CCDC110: variants seen among roughly 807,000 people sequenced by gnomAD.
CCDC110 encodes the protein coiled-coil domain-containing protein 110.
CCDC110 carries 70 observed loss-of-function variants against 77.1 expected under a neutral mutation model. The observed-to-expected ratio is 0.91, with a 90% CI of 0.75 to 1.11. CCDC110 has a LOEUF of 1.11. Ranked by LOEUF, CCDC110 falls within the 50% of genes least tolerant of loss-of-function variation. The pLI is 0.00. For missense variants in CCDC110, 868 were observed against 942.9 expected (o/e 0.92, Z 1.04); for synonymous variants, 295 against 312.5 (o/e 0.94, Z 0.59).
chr4:185,454,966 A>G (rs1164020853), intron 6 of CCDC110, among the ~76,000 whole-genome samples: 1 of 152,060 alleles, frequency 6.6e-6, no homozygotes, highest in East Asian at 1.9e-4. Flanking sequence ...AACTCTTTAT[A>G]ATGTTCGTAC....
intron 6 of CCDC110, among the ~76,000 whole-genome samples, chr4:185,456,549 T>C (rs1175509149): frequency 6.6e-6 from 1 of 152,144 alleles, no homozygotes; most frequent in African/African-American, 2.4e-5. Flanking sequence ...ATTACCAATG[T>C]CAGAAATTAA....
intron 2 of CCDC110, among the ~76,000 whole-genome samples, chr4:185,465,170 A>G (rs1175852632): frequency 6.6e-6 from 1 of 152,252 alleles, no homozygotes; most frequent in East Asian, 1.9e-4. Flanking sequence ...AAATGTATTC[A>G]GCCTTCAACT....
At chr4:185,451,286 G>T (rs144053673) in intron 6 of CCDC110, among the ~76,000 whole-genome samples, 1 of 152,088 alleles carries the variant, frequency 6.6e-6, no homozygotes. Flanking sequence ...GGACAAATAC[G>T]TGGTGCTTTG....
At chr4:185,452,154 A>C in intron 6 of CCDC110, 1 of 968,082 alleles carries the variant, frequency 1.0e-6, no homozygotes, top group Non-Finnish European at 1.2e-6. Flanking sequence ...TTGAAAATGT[A>C]ACAATACAAA....
intron 2 of CCDC110, among the ~76,000 whole-genome samples, chr4:185,467,861 C>T (rs148336344): frequency 7.9e-5 from 12 of 152,306 alleles, no homozygotes; most frequent in African/African-American, 1.2e-4. Flanking sequence ...CTCTGCCTCC[C>T]GGGTTCAAGT....
intron 6 of CCDC110, chr4:185,449,629 A>G (rs2095625617): frequency 6.5e-7 from 1 of 1,542,088 alleles, no homozygotes; most frequent in Non-Finnish European, 8.8e-7. Context: ...AGACTTCTTC[A>G]GTACCATCCT....
rs764283440 is a variant in CCDC110 at position 185,459,967 on chromosome 4, G to A, written c.620C>T (p.Ala207Val). The A allele has an allele frequency of 1.3e-5, 21 of 1,613,704 alleles. No individual in the cohort carries two copies. The highest frequency in any genetic ancestry group is 1.7e-5 in the Non-Finnish European group (20 of 1,179,752). The change falls in exon 6 of 7, where the codon GCA (alanine) becomes GTA (valine). Residue 207 changes from alanine (A) to valine (V), a missense_variant. Ala to Val is a moderately conservative substitution (Grantham distance 64). Transcript: ENST00000307588. The part of the protein sequence containing the change: ...YNNFYRFLPT[A>V]PPNVMSQADT... ...AGCTTGAGACATCACATTTGGAGGT[G>A]CAGTAGGTAGAAAACGATAAAAGTT...
At chr4:185,467,017 T>A (rs532136741) in intron 2 of CCDC110, among the ~76,000 whole-genome samples, 14 of 152,322 alleles carry the variant, frequency 9.2e-5, no homozygotes, top group African/African-American at 3.4e-4. Context: ...GTGCTTCTAC[T>A]TTTTTCATAT....
chr4:185,452,354 C>T (rs1418207307), intron 6 of CCDC110: 1 of 985,288 alleles, frequency 1.0e-6, no homozygotes, highest in Non-Finnish European at 1.2e-6. Context: ...TGTCTGCTTA[C>T]ATCTGTTCAA....
intron 6 of CCDC110, chr4:185,457,884 C>T (rs2095638389): frequency 4.4e-6 from 4 of 912,918 alleles, no homozygotes; most frequent in Admixed American, 3.5e-5. Flanking sequence ...TAATTAACTC[C>T]CTCTTGCTCA....
chr4:185,465,035 C>T (rs541144992), intron 2 of CCDC110, among the ~76,000 whole-genome samples: 1 of 152,314 alleles, frequency 6.6e-6, no homozygotes, highest in Admixed American at 6.5e-5. Context: ...CTACTTCCCT[C>T]TTTTCATGGT....
intron 6 of CCDC110, among the ~76,000 whole-genome samples, chr4:185,455,079 G>A (rs1355186959): frequency 6.6e-6 from 1 of 152,158 alleles, no homozygotes; most frequent in Non-Finnish European, 1.5e-5. Context: ...TCCAGGCATG[G>A]TTCTGGACAC....
rs745839140 is a variant in CCDC110, at chr4:185,461,020, A to G, written c.348+29T>C. 4.1e-6 allele frequency: 4 copies of G among 986,124 alleles called. No homozygotes were observed. In the Admixed American group the frequency reaches 6.8e-5, roughly 17 times the overall value. 61.1% of individuals were successfully genotyped at this position (986,124 alleles called of 1,614,324 possible). ...TAGTCACGTTTTGAAGTACCTACAT[A>G]TAGAAATGATTTCTGTAGAATAACA... On this transcript the variant is annotated intron_variant, in intron 5 of 6. Transcript: ENST00000307588.
intron 4 of CCDC110, 107 bp from the exon 5 acceptor site, chr4:185,461,266 TAA>T (rs1265139475): frequency 8.8e-6 from 5 of 566,480 alleles, no homozygotes; most frequent in Admixed American, 6.9e-5. Context: ...TTCCTGCCCA[TAA>T]ACAGTCTTTC....
chr4:185,470,882 C>T, intron 2 of CCDC110, 63 bp downstream of exon 2: 3 of 1,201,888 alleles, frequency 2.5e-6, no homozygotes, highest in South Asian at 2.4e-5. Context: ...GAGCAGGTGG[C>T]ACAGGCCAGA....
chr4:185,456,979 C>T (rs561083131), intron 6 of CCDC110, among the ~76,000 whole-genome samples: 56 of 152,188 alleles, frequency 3.7e-4, no homozygotes, highest in African/African-American at 1.3e-3. Context: ...TACAGACCAA[C>T]ATCCTTCTGA....
At chr4:185,452,162 A>C (rs13102235) in intron 6 of CCDC110, 2 of 978,210 alleles carry the variant, frequency 2.0e-6, no homozygotes, top group Non-Finnish European at 2.4e-6. Flanking sequence ...GTAACAATAC[A>C]AAACAGTTTT....
Position 185,458,696 on chromosome 4 carries a change from G to T in CCDC110, c.1891C>A (p.Leu631Ile). Reference sequence around the variant, plus strand: ...TCTTTAACTGTTTCTATTATTTGAAGAAGTGTCTCTTGTTCCGTTTTTGCC... The same window carrying T: ...TCTTTAACTGTTTCTATTATTTGAATAAGTGTCTCTTGTTCCGTTTTTGCC... ...RLAKTEQETL[L>I]QIIETVKDEK... The change falls in exon 6 of 7, where the codon CTT becomes ATT. Residue 631 changes from leucine (L) to isoleucine (I), a missense_variant. By Grantham distance (5) the Leu-to-Ile change is conservative. Transcript: ENST00000307588. The T allele has an allele frequency of 6.2e-7, 1 of 1,603,930 alleles. No homozygotes were observed. Among genetic ancestry groups the T allele is most frequent in the Non-Finnish European group, 8.5e-7 (1 of 1,177,776 alleles).
intron 5 of CCDC110, 34 bp from the exon 6 acceptor site, chr4:185,460,272 G>A (rs777286923): frequency 3.4e-6 from 5 of 1,472,712 alleles, no homozygotes; most frequent in East Asian, 4.5e-5. Context: ...TAAATGTATT[G>A]TCATTTGCCA....
Sources: allele counts gnomAD v4.1 joint callset (sites outside exome capture counted in the v4.1 genomes callset), GRCh38; gene constraint gnomAD v4.1.1; transcripts MANE v1.5; gene names NCBI Gene and HGNC (gene_info 2026-07-23, HGNC 2026-07-21).